The following RORA variants were observed in gnomAD, a reference collection of about 807,000 sequenced individuals.
RORA encodes the protein RAR related orphan receptor A.
RORA carries 7 observed loss-of-function variants against 69.5 expected under a neutral mutation model. The ratio of observed to expected loss-of-function variants is 0.10; its 90% CI spans 0.06 to 0.19. The LOEUF is 0.19. RORA is among the 10% of genes least tolerant of loss of function. RORA has a pLI of 1.00. For synonymous variants in RORA, 261 were observed against 240.8 expected, an observed-to-expected ratio of 1.08 and a Z score of -0.78; for missense variants, 457 against 663.0, an observed-to-expected ratio of 0.69 and a Z score of 3.41.
At chr15:60,932,525 T>C (rs765415572) in intron 1 of RORA, among the ~76,000 whole-genome samples, 19 of 152,220 alleles carry the variant, frequency 1.2e-4, no homozygotes, top group Non-Finnish European at 2.8e-4. Flanking sequence ...CTCCATGTAG[T>C]GCAAGGAAAT....
chr15:61,215,618 T>C (rs2080034013), intron 1 of RORA, among the ~76,000 whole-genome samples: 2 of 152,244 alleles, frequency 1.3e-5, no homozygotes, highest in Non-Finnish European at 1.5e-5. Context: ...TATATCTTCT[T>C]GATCTGCCTG....
At chr15:60,626,534 T>C (rs1050088878) in intron 2 of RORA, among the ~76,000 whole-genome samples, 3 of 152,172 alleles carry the variant, frequency 2.0e-5, no homozygotes, top group Non-Finnish European at 2.9e-5. Flanking sequence ...AAAAATATCA[T>C]TGATGAACTA....
At chr15:61,069,771 G>T (rs1053840858) in intron 1 of RORA, among the ~76,000 whole-genome samples, 3 of 152,054 alleles carry the variant, frequency 2.0e-5, no homozygotes, top group Admixed American at 6.5e-5. Context: ...ATCTCCTCTT[G>T]AAATTTTAGG....
At chr15:60,836,339 T>A (rs341397) in intron 1 of RORA, among the ~76,000 whole-genome samples, 137,412 of 152,150 alleles carry the variant, frequency 0.9, 62,944 homozygotes, top group Non-Finnish European at 0.97. Context: ...TTTTTAAAAC[T>A]TGTACAATGA....
chr15:60,882,381 A>G (rs2073690685), intron 1 of RORA, among the ~76,000 whole-genome samples: 1 of 152,158 alleles, frequency 6.6e-6, no homozygotes, highest in Non-Finnish European at 1.5e-5. Flanking sequence ...CGCACCAGAC[A>G]ACCCTTCATG....
intron 1 of RORA, among the ~76,000 whole-genome samples, chr15:60,951,865 G>A (rs1378200794): frequency 6.6e-6 from 1 of 151,460 alleles, no homozygotes; most frequent in Non-Finnish European, 1.5e-5. Context: ...AGAGGTACAA[G>A]GAGGAACTGG....
At chr15:60,516,299 G>A (rs1438642913) in intron 3 of RORA, among the ~76,000 whole-genome samples, 1 of 123,532 alleles carries the variant, frequency 8.1e-6, no homozygotes, top group Non-Finnish European at 1.6e-5. Flanking sequence ...GGGTCTCGCT[G>A]TGTTGTCCAG....
At chr15:60,817,375 T>C (rs2072832832) in intron 1 of RORA, among the ~76,000 whole-genome samples, 1 of 152,220 alleles carries the variant, frequency 6.6e-6, no homozygotes, top group South Asian at 2.1e-4. Context: ...AGTGAGCACA[T>C]GCTTTTGGAA....
chr15:61,136,007 C>T (rs1197554018), intron 1 of RORA, among the ~76,000 whole-genome samples: 1 of 152,158 alleles, frequency 6.6e-6, no homozygotes, highest in Non-Finnish European at 1.5e-5. Context: ...AATAGGTTAC[C>T]AAGATGTCCA....
At chr15:60,592,409 A>G in intron 2 of RORA, 1 of 1,438,352 alleles carries the variant, frequency 7.0e-7, no homozygotes, top group Non-Finnish European at 9.2e-7. Flanking sequence ...CGATCACAAA[A>G]TACATCATTT....
intron 1 of RORA, among the ~76,000 whole-genome samples, chr15:60,814,981 C>G (rs368731650): frequency 1.4e-4 from 22 of 152,140 alleles, no homozygotes; most frequent in African/African-American, 5.1e-4. Flanking sequence ...AATCTGAATC[C>G]ATGTTCAAAA....
At chr15:60,574,776 TGA>T (rs1429519500) in intron 2 of RORA, among the ~76,000 whole-genome samples, 4 of 152,202 alleles carry the variant, frequency 2.6e-5, no homozygotes, top group African/African-American at 7.2e-5. Flanking sequence ...TGAGGTTTAG[TGA>T]GGTTACATGA....
At chr15:60,717,422 A>T (rs2071234492) in intron 1 of RORA, among the ~76,000 whole-genome samples, 1 of 152,142 alleles carries the variant, frequency 6.6e-6, no homozygotes, top group African/African-American at 2.4e-5. Flanking sequence ...TCATGCCCCA[A>T]GTCAGTTCTT....
intron 1 of RORA, among the ~76,000 whole-genome samples, chr15:60,941,352 A>C (rs1892691040): frequency 6.6e-6 from 1 of 152,256 alleles, no homozygotes; most frequent in East Asian, 1.9e-4. Context: ...CAACTGTGCC[A>C]GTCTTTGCTC....
chr15:61,108,699 T>C (rs1307450135), intron 1 of RORA, among the ~76,000 whole-genome samples: 1 of 152,232 alleles, frequency 6.6e-6, no homozygotes, highest in African/African-American at 2.4e-5. Context: ...ATGCTGGCTA[T>C]CTTAAAACCT....
intron 3 of RORA, among the ~76,000 whole-genome samples, chr15:60,522,823 G>T (rs2066215506): frequency 6.7e-6 from 1 of 148,206 alleles, no homozygotes; most frequent in South Asian, 2.1e-4. Context: ...TGTAATCCCA[G>T]CGCTTTGGGA....
chr15:61,206,280 A>T (rs926802018), intron 1 of RORA, among the ~76,000 whole-genome samples: 4 of 152,196 alleles, frequency 2.6e-5, no homozygotes, highest in Non-Finnish European at 4.4e-5. Flanking sequence ...AGAAATTCTT[A>T]TTTCTATATC....
chr15:60,843,661 A>C (rs2073229090), intron 1 of RORA, among the ~76,000 whole-genome samples: 1 of 152,140 alleles, frequency 6.6e-6, no homozygotes, highest in Admixed American at 6.5e-5. Flanking sequence ...TGACCGTGGC[A>C]AGCCAGGTTC....
At chr15:61,106,533 T>C (rs1412086632) in intron 1 of RORA, among the ~76,000 whole-genome samples, 4 of 152,188 alleles carry the variant, frequency 2.6e-5, no homozygotes, top group African/African-American at 9.7e-5. Context: ...CAAATCCTAC[T>C]CACCCATGAA....
Sources: allele counts gnomAD v4.1 joint callset (sites outside exome capture counted in the v4.1 genomes callset), GRCh38; gene constraint gnomAD v4.1.1; transcripts MANE v1.5; gene names NCBI Gene and HGNC (gene_info 2026-07-23, HGNC 2026-07-21).